The following SPHKAP variants were observed in gnomAD, a reference collection of about 807,000 sequenced individuals.
SPHKAP encodes the protein SPHK1 interactor, AKAP domain containing.
Under a neutral mutation model 137.5 loss-of-function variants are expected in SPHKAP, and 67 were observed. That is an observed-to-expected ratio of 0.49 (90% CI 0.40 to 0.60). The LOEUF (loss-of-function observed/expected upper bound fraction) is 0.60. Among genes scored for constraint, SPHKAP ranks in the 20% least tolerant of loss-of-function variants. The probability of loss-of-function intolerance (pLI) is 0.00; values close to 1 mark genes in which losing one functional copy is unlikely to be tolerated. For synonymous variants in SPHKAP, 813 were observed against 785.3 expected (o/e 1.04, Z -0.59); for missense variants, 2,097 against 2,069.3 (o/e 1.01, Z -0.26).
intron 3 of SPHKAP, among the ~76,000 whole-genome samples, chr2:228,088,535 T>C (rs1697615753): frequency 6.6e-6 from 1 of 152,112 alleles, no homozygotes; most frequent in Admixed American, 6.6e-5. Context: ...ATACGAGACA[T>C]ATAAAAATCA....
At chr2:228,012,945 T>C (rs912347347) in intron 7 of SPHKAP, among the ~76,000 whole-genome samples, 1 of 152,180 alleles carries the variant, frequency 6.6e-6, no homozygotes, top group African/African-American at 2.4e-5. Context: ...ATATTGAGCG[T>C]AAATAACTTT....
intron 3 of SPHKAP, among the ~76,000 whole-genome samples, chr2:228,044,403 G>A: frequency 6.6e-6 from 1 of 152,082 alleles, no homozygotes; most frequent in Non-Finnish European, 1.5e-5. Context: ...GACATCAAGT[G>A]GTTCTTAGTT....
chr2:228,012,287 C>T (rs1427809276), intron 7 of SPHKAP, among the ~76,000 whole-genome samples: 1 of 149,708 alleles, frequency 6.7e-6, no homozygotes, highest in Non-Finnish European at 1.5e-5. Flanking sequence ...CCTTGCTTGT[C>T]TTCCTTTAAA....
At chr2:228,032,430 G>A (rs1474156851) in intron 3 of SPHKAP, among the ~76,000 whole-genome samples, 1 of 152,186 alleles carries the variant, frequency 6.6e-6, no homozygotes, top group Non-Finnish European at 1.5e-5. Flanking sequence ...CTGACGGGGA[G>A]AATGGAACCA....
At chr2:228,130,015 C>T (rs1168197925) in intron 2 of SPHKAP, among the ~76,000 whole-genome samples, 3 of 151,966 alleles carry the variant, frequency 2.0e-5, no homozygotes, top group Admixed American at 6.6e-5. Context: ...AGGCTGGTCT[C>T]GAACTCCTGA....
At chr2:228,157,223 G>T (rs1159081603) in intron 1 of SPHKAP, among the ~76,000 whole-genome samples, 1 of 152,148 alleles carries the variant, frequency 6.6e-6, no homozygotes, top group African/African-American at 2.4e-5. Flanking sequence ...ATAAGAATCA[G>T]GTCAGGAAAC....
chr2:228,041,823 G>A (rs914673264), intron 3 of SPHKAP, among the ~76,000 whole-genome samples: 1 of 151,990 alleles, frequency 6.6e-6, no homozygotes, highest in Non-Finnish European at 1.5e-5. Flanking sequence ...CGTGGGAGGG[G>A]ATGTGCAGAC....
At chr2:228,041,515 C>T (rs1159260305) in intron 3 of SPHKAP, among the ~76,000 whole-genome samples, 5 of 151,664 alleles carry the variant, frequency 3.3e-5, no homozygotes, top group Admixed American at 1.3e-4. Context: ...CGTGGTGGTG[C>T]GTGCCTGTAG....
chr2:228,163,567 G>A (rs1310667476), intron 1 of SPHKAP, among the ~76,000 whole-genome samples: 1 of 152,042 alleles, frequency 6.6e-6, no homozygotes, highest in Non-Finnish European at 1.5e-5. Flanking sequence ...TATTGAAGAG[G>A]AGCAATTGTA....
At chr2:228,132,147 A>G in intron 1 of SPHKAP, 62 bp from the exon 2 acceptor site, 2 of 1,349,234 alleles carry the variant, frequency 1.5e-6, no homozygotes, top group Admixed American at 1.7e-5. Context: ...TTGGAAATAA[A>G]TAATAAGTAA....
chr2:228,102,068 G>T (rs1394554375), intron 3 of SPHKAP, among the ~76,000 whole-genome samples: 2 of 152,156 alleles, frequency 1.3e-5, no homozygotes, highest in Non-Finnish European at 2.9e-5. Context: ...AATAGTTATA[G>T]TTGCATCTCT....
Position 228,022,136 on chromosome 2 carries a change from T to A in SPHKAP, c.442-170A>T, listed in dbSNP as rs567212259. Reference sequence around the variant, plus strand: ...ATAAACTGCTTGAAAAAAATTCAAGTGATGTTTGGAACACAAGGTACCTAG... The same window carrying A: ...ATAAACTGCTTGAAAAAAATTCAAGAGATGTTTGGAACACAAGGTACCTAG... On this transcript the variant is annotated intron_variant, in intron 5 of 11. Coordinates refer to ENST00000392056, the MANE Select transcript of SPHKAP (RefSeq NM_001142644.2). 316 of 984,062 alleles carry A rather than the reference T, an allele frequency of 3.2e-4. 1 individual carries two copies. The highest frequency in any genetic ancestry group is 3.7e-4 in the Non-Finnish European group (305 of 829,006). 61.0% of individuals were successfully genotyped at this position (984,062 alleles called of 1,614,324 possible).
chr2:228,098,620 T>G (rs12694773), intron 3 of SPHKAP, among the ~76,000 whole-genome samples: 3 of 150,548 alleles, frequency 2.0e-5, no homozygotes, highest in East Asian at 2.0e-4. Flanking sequence ...TGTGGGGTGG[T>G]GGGGTGGGGG....
chr2:228,004,096 C>A (rs1044171313), intron 7 of SPHKAP, among the ~76,000 whole-genome samples: 1 of 152,174 alleles, frequency 6.6e-6, no homozygotes, highest in Admixed American at 6.5e-5. Flanking sequence ...AGGGAGGATG[C>A]CCTCTTTTTC....
intron 3 of SPHKAP, among the ~76,000 whole-genome samples, chr2:228,030,398 C>T (rs1695241742): frequency 6.6e-6 from 1 of 151,342 alleles, no homozygotes. Context: ...CCTGTATTCC[C>T]AGCTACTCAG....
rs143049692 is a variant in SPHKAP at position 228,022,458 on chromosome 2, T to G, written c.442-492A>C. Among the ~76,000 whole-genome samples, 34 of 152,256 alleles carry G rather than the reference T, an allele frequency of 2.2e-4. No homozygotes were observed. The East Asian group carries it at 2.3e-3, about 10-fold the overall frequency. On this transcript the variant is annotated intron_variant, in intron 5 of 11. Transcript: ENST00000392056. ...TTGTATCTTTATGACAGGAGGTAGTTTTACAACCTGGAGCAAGATGCCCAG... is the reference window on the plus strand; with the variant it reads ...TTGTATCTTTATGACAGGAGGTAGTGTTACAACCTGGAGCAAGATGCCCAG...
At chr2:228,154,640 C>T (rs1402060825) in intron 1 of SPHKAP, among the ~76,000 whole-genome samples, 1 of 141,102 alleles carries the variant, frequency 7.1e-6, no homozygotes, top group African/African-American at 2.6e-5. Flanking sequence ...GCTCTACCTC[C>T]CAGGTTCACG....
intron 2 of SPHKAP, 47 bp from the exon 3 acceptor site, chr2:228,108,986 A>G (rs958819413): frequency 1.6e-6 from 2 of 1,237,246 alleles, no homozygotes; most frequent in East Asian, 2.6e-5. Flanking sequence ...AATCCTTTCT[A>G]TCTAAACAGC....
chr2:228,120,189 G>C (rs1698862399), intron 2 of SPHKAP, among the ~76,000 whole-genome samples: 1 of 152,232 alleles, frequency 6.6e-6, no homozygotes, highest in South Asian at 2.1e-4. Flanking sequence ...GGGGTAGGAG[G>C]GAAGACTACC....
Sources: gnomAD v4.1 joint callset for allele counts (sites outside exome capture counted in the v4.1 genomes callset) on GRCh38, gnomAD v4.1.1 for gene constraint, MANE v1.5 for transcripts, NCBI Gene and HGNC (gene_info 2026-07-23, HGNC 2026-07-21) for gene names.